Variants in NIPAL1 observed in about 807,000 individuals in gnomAD.
NIPAL1 encodes the protein NIPA like domain containing 1.
In NIPAL1, 35 loss-of-function variants were observed where a neutral mutation model predicts 37.7. That is an observed-to-expected ratio of 0.93 (90% CI 0.71 to 1.23). NIPAL1 has a LOEUF of 1.23. Among genes scored for constraint, NIPAL1 ranks in the 50% most tolerant of loss-of-function variants. The probability of loss-of-function intolerance (pLI) is 0.00; values close to 1 mark genes in which losing one functional copy is unlikely to be tolerated. For missense variants in NIPAL1, 412 were observed against 473.9 expected (o/e 0.87, Z 1.21); for synonymous variants, 162 against 183.0 (o/e 0.89, Z 0.93).
At chr4:48,026,616 T>C (rs1715692511) in intron 2 of NIPAL1, among the ~76,000 whole-genome samples, 1 of 152,160 alleles carries the variant, frequency 6.6e-6, no homozygotes, top group Admixed American at 6.5e-5. Flanking sequence ...ATTCAAAGTA[T>C]TGAGATAATT....
At chr4:48,022,508 C>G (rs1006352445) in intron 1 of NIPAL1, among the ~76,000 whole-genome samples, 4 of 152,144 alleles carry the variant, frequency 2.6e-5, no homozygotes, top group Non-Finnish European at 5.9e-5. Context: ...TTTGCTGTAT[C>G]AACAGCTTAG....
At position 48,039,816 on chromosome 4, in the gene NIPAL1, A is replaced by G. The variant is rs779922706; in HGVS notation, c.*3644A>G. 6.6e-6 allele frequency: 1 copy of G among 152,250 alleles called. No individual in the cohort carries two copies. Among genetic ancestry groups the G allele is most frequent in the Non-Finnish European group, 1.5e-5 (1 of 68,040 alleles). The allele number at this position is 152,250 out of a possible 1,614,324, so 9.4% of individuals were successfully genotyped here. On this transcript the variant is annotated 3_prime_UTR_variant, in exon 6 of 6. Transcript: ENST00000295461. ...TACAGTCTTGTCACTAGAGACTTAA[A>G]AGGACCATTGAGTGCCTATTTTTAT...
chr4:48,033,227 C>T (rs1364097444), intron 4 of NIPAL1, 144 bp downstream of exon 4: 1 of 511,914 alleles, frequency 2.0e-6, no homozygotes, highest in Admixed American at 3.9e-5. Flanking sequence ...TAGATGAACC[C>T]AAATTATTTC....
At chr4:48,033,428 C>T (rs1175819222) in intron 4 of NIPAL1, among the ~76,000 whole-genome samples, 2 of 152,192 alleles carry the variant, frequency 1.3e-5, no homozygotes, top group Non-Finnish European at 2.9e-5. Flanking sequence ...TGATTTCCTA[C>T]TAACATAAAT....
chr4:48,021,957 T>A (rs923343014), intron 1 of NIPAL1, among the ~76,000 whole-genome samples: 1 of 151,970 alleles, frequency 6.6e-6, no homozygotes, highest in Non-Finnish European at 1.5e-5. Context: ...AAAAATAACA[T>A]CAAAGAAGAA....
At chr4:48,030,966 A>G (rs1318356620) in intron 3 of NIPAL1, among the ~76,000 whole-genome samples, 1 of 152,236 alleles carries the variant, frequency 6.6e-6, no homozygotes, top group Non-Finnish European at 1.5e-5. Flanking sequence ...TTTCTTTAAT[A>G]AATGGTGGAA....
rs1207140208 is a variant in NIPAL1, at chr4:48,036,174, G to C, written c.*2G>C. ...TTGTTTAGTAGAACTGATGACTGAA[G>C]TCTCTAGAAACACTGAGTTTTAACC... On this transcript the variant is annotated 3_prime_UTR_variant, in exon 6 of 6. Transcript: ENST00000295461. The C allele has an allele frequency of 1.9e-6, 3 of 1,592,446 alleles. No homozygotes were observed. The highest frequency in any genetic ancestry group is 3.4e-4 in the Middle Eastern group (2 of 5,802).
chr4:48,025,932 C>T (rs62300320), intron 2 of NIPAL1, among the ~76,000 whole-genome samples: 73,402 of 151,784 alleles, frequency 0.48, 18,252 homozygotes, highest in Non-Finnish European at 0.53. Flanking sequence ...GAACCCTTCT[C>T]CCTGCCCTTC....
intron 2 of NIPAL1, among the ~76,000 whole-genome samples, chr4:48,028,814 A>G (rs1404148890): frequency 6.6e-6 from 1 of 152,186 alleles, no homozygotes; most frequent in Non-Finnish European, 1.5e-5. Flanking sequence ...ATATGAAAAA[A>G]TCCTCAGTGT....
Position 48,038,371 on chromosome 4 carries a change from G to T in NIPAL1, c.*2199G>T, listed in dbSNP as rs1715999940. 1 of 152,070 alleles carries T rather than the reference G, an allele frequency of 6.6e-6. No individual in the cohort carries two copies. Among genetic ancestry groups the T allele is most frequent in the East Asian group, 1.9e-4 (1 of 5,198 alleles). The allele number at this position is 152,070 out of a possible 1,614,324, so 9.4% of individuals were successfully genotyped here. A position where few individuals can be genotyped will look rare whatever the true frequency, so the allele number is the denominator to read the frequency against. On this transcript the variant is annotated 3_prime_UTR_variant, in exon 6 of 6. Transcript: ENST00000295461. The stretch of plus-strand genomic sequence containing the variant: ...TTGTAGTAAAAGTATCTTCTGTCTG[G>T]GCAATGGCTCACACCTGTAATTCCA...
In NIPAL1 at chr4:48,036,469, G is replaced by T; in HGVS notation, c.*297G>T. 1 of 333,812 alleles carries T rather than the reference G, an allele frequency of 3.0e-6. No homozygotes were observed. 20.7% of individuals were successfully genotyped at this position (333,812 alleles called of 1,614,324 possible). A position where few individuals can be genotyped will look rare whatever the true frequency, so the allele number is the denominator to read the frequency against. ...CACAGTATCTTTGTCTCTGCCAGGTGGCTCTTCATTTCTTTGGTAGCTATT... is the reference window on the plus strand; with the variant it reads ...CACAGTATCTTTGTCTCTGCCAGGTTGCTCTTCATTTCTTTGGTAGCTATT... On this transcript the variant is annotated 3_prime_UTR_variant, in exon 6 of 6. Transcript: ENST00000295461.
chr4:48,021,047 T>G (rs1715557777), intron 1 of NIPAL1, among the ~76,000 whole-genome samples: 1 of 152,196 alleles, frequency 6.6e-6, no homozygotes, highest in African/African-American at 2.4e-5. Context: ...TTCAACTGGC[T>G]TTTTCTTGTA....
intron 1 of NIPAL1, among the ~76,000 whole-genome samples, chr4:48,019,560 C>G (rs1037566537): frequency 6.6e-6 from 1 of 152,142 alleles, no homozygotes; most frequent in Admixed American, 6.5e-5. Flanking sequence ...GCTATGCCAG[C>G]CAGCACTCTG....
intron 1 of NIPAL1, among the ~76,000 whole-genome samples, chr4:48,022,229 C>T (rs2109365821): frequency 6.6e-6 from 1 of 152,266 alleles, no homozygotes. Context: ...TTCCCTTCTC[C>T]CGTAGGCCAC....
chr4:48,026,752 C>G (rs977297124), intron 2 of NIPAL1, among the ~76,000 whole-genome samples: 3 of 150,816 alleles, frequency 2.0e-5, no homozygotes, highest in Non-Finnish European at 2.9e-5. Context: ...GGGGCTTTGC[C>G]CTGTCGGCCA....
At chr4:48,024,000 T>G (rs1264200824) in intron 1 of NIPAL1, among the ~76,000 whole-genome samples, 5 of 138,606 alleles carry the variant, frequency 3.6e-5, no homozygotes, top group Non-Finnish European at 7.7e-5. Flanking sequence ...TTTTTGGAGA[T>G]AGTCTCGTTC....
In NIPAL1 at chr4:48,035,634, G is replaced by A; in HGVS notation, c.695G>A (p.Gly232Glu). ...ATTTTGATTGTGGCTCCCAAGAAAG[G>A]ACAGACCAATATATTGGTTTATATT... ...VLILIVAPKK[G>E]QTNILVYISI... Residue 232 changes from glycine to glutamate, a missense_variant, in exon 6 of 6, where the codon GGA (glycine) becomes GAA (glutamate). By Grantham distance (98) the Gly-to-Glu change is moderately conservative (BLOSUM62 -2). Transcript: ENST00000295461. The A allele has an allele frequency of 6.2e-7, 1 of 1,613,622 alleles. No individual in the cohort carries two copies.
chr4:48,025,521 G>C (rs2060909373), intron 2 of NIPAL1, among the ~76,000 whole-genome samples, 187 bp downstream of exon 2: 1 of 152,162 alleles, frequency 6.6e-6, no homozygotes, highest in African/African-American at 2.4e-5. Context: ...TTAATGAAGG[G>C]ATAGTCAGGC....
At position 48,036,443 on chromosome 4, in the gene NIPAL1, T is replaced by C. The variant is rs753332909; in HGVS notation, c.*271T>C. The C allele has an allele frequency of 1.0e-5, 4 of 382,630 alleles. No individual in the cohort carries two copies. Among genetic ancestry groups the C allele is most frequent in the Non-Finnish European group, 1.9e-5 (4 of 214,002 alleles). The allele number at this position is 382,630 out of a possible 1,614,324, so 23.7% of individuals were successfully genotyped here. ...TCTCAGAATAATCTCCTTCTTCTGG[T>C]CACAGTATCTTTGTCTCTGCCAGGT... On this transcript the variant is annotated 3_prime_UTR_variant, in exon 6 of 6. Transcript: ENST00000295461.
Sources: gnomAD v4.1 joint callset for allele counts (sites outside exome capture counted in the v4.1 genomes callset) on GRCh38, gnomAD v4.1.1 for gene constraint, MANE v1.5 for transcripts, NCBI Gene and HGNC (gene_info 2026-07-23, HGNC 2026-07-21) for gene names.